CACNA2D3: variants seen among roughly 807,000 people sequenced by gnomAD.
CACNA2D3 encodes voltage-dependent calcium channel subunit alpha-2/delta-3.
CACNA2D3 carries 60 observed loss-of-function variants against 160.6 expected under a neutral mutation model. The observed-to-expected ratio is 0.37, with a 90% confidence interval of 0.30 to 0.46. The LOEUF (loss-of-function observed/expected upper bound fraction) is 0.46, where lower values mean the gene tolerates loss of function less well. Ranked by LOEUF, CACNA2D3 falls within the 20% of genes least tolerant of loss-of-function variation. The pLI, the probability that CACNA2D3 is intolerant of heterozygous loss-of-function variation, is 1.00. For missense variants in CACNA2D3, 1,205 were observed against 1,365.0 expected (o/e 0.88, Z 1.85); for synonymous variants, 558 against 492.9 (o/e 1.13, Z -1.75).
intron 2 of CACNA2D3, among the ~76,000 whole-genome samples, chr3:54,229,014 A>G (rs1701722382): frequency 6.6e-6 from 1 of 152,168 alleles, no homozygotes. Context: ...TTTGTGCTGT[A>G]TGGAAGATTC....
At chr3:54,429,008 T>C (rs1699949234) in intron 4 of CACNA2D3, among the ~76,000 whole-genome samples, 1 of 152,208 alleles carries the variant, frequency 6.6e-6, no homozygotes, top group South Asian at 2.1e-4. Flanking sequence ...GGTCAGCCCT[T>C]ATGGCTTAAA....
intron 14 of CACNA2D3, among the ~76,000 whole-genome samples, chr3:54,821,713 T>TTCCTTCCTTCC (rs1337268886): frequency 7.5e-5 from 8 of 106,572 alleles, no homozygotes; most frequent in Non-Finnish European, 1.5e-4. Flanking sequence ...TCCTTCCTTC[T>TTCCTTCCTTCC]TTCCTCTCTC....
intron 4 of CACNA2D3, among the ~76,000 whole-genome samples, chr3:54,460,762 T>C (rs1248640316): frequency 2.6e-5 from 4 of 152,198 alleles, no homozygotes; most frequent in African/African-American, 9.7e-5. Flanking sequence ...TTGAATACCC[T>C]TTATTTCCTT....
intron 14 of CACNA2D3, among the ~76,000 whole-genome samples, chr3:54,822,794 T>TCTTTCTTTC (rs1703655350): frequency 1.8e-3 from 115 of 63,196 alleles, no homozygotes; most frequent in Non-Finnish European, 2.4e-3. Flanking sequence ...TTCTTTCCTT[T>TCTTTCTTTC]CTTTCTTTCT....
chr3:54,797,510 A>G (rs1702890039), intron 13 of CACNA2D3, among the ~76,000 whole-genome samples: 1 of 152,218 alleles, frequency 6.6e-6, no homozygotes, highest in African/African-American at 2.4e-5. Context: ...GACAGCATTT[A>G]AAGTTGTGGA....
chr3:54,409,821 C>T (rs1699636065), intron 4 of CACNA2D3, among the ~76,000 whole-genome samples: 1 of 152,198 alleles, frequency 6.6e-6, no homozygotes, highest in African/African-American at 2.4e-5. Context: ...AGTGAGAAAG[C>T]TACCAAAGAA....
At chr3:55,029,751 G>C (rs1020922565) in intron 35 of CACNA2D3, among the ~76,000 whole-genome samples, 2 of 152,204 alleles carry the variant, frequency 1.3e-5, no homozygotes, top group Non-Finnish European at 2.9e-5. Context: ...TTGTCAGTGG[G>C]AGTACATTAG....
At chr3:54,176,854 G>A (rs562778692) in intron 2 of CACNA2D3, among the ~76,000 whole-genome samples, 1 of 152,090 alleles carries the variant, frequency 6.6e-6, no homozygotes, top group Non-Finnish European at 1.5e-5. Context: ...GGGGTTGGGG[G>A]AGTGCTCTGG....
intron 4 of CACNA2D3, among the ~76,000 whole-genome samples, chr3:54,449,842 C>T (rs2106814289): frequency 6.6e-6 from 1 of 152,294 alleles, no homozygotes; most frequent in East Asian, 1.9e-4. Flanking sequence ...ATTTAAACCT[C>T]TTTTCTTATA....
intron 2 of CACNA2D3, among the ~76,000 whole-genome samples, chr3:54,221,379 A>T (rs894889076): frequency 2.0e-5 from 3 of 152,230 alleles, no homozygotes; most frequent in Non-Finnish European, 4.4e-5. Context: ...TACTTTGGAT[A>T]TTTAAAGTTG....
rs3773600 is a variant in CACNA2D3, at chr3:54,871,999, C to T, written c.1710+377C>T. On this transcript the variant is annotated intron_variant, in intron 18 of 37. Coordinates refer to ENST00000474759, the MANE Select transcript of CACNA2D3 (RefSeq NM_018398.3). ...GCCTGGTGCAAAGTCAGGGTGCCTG[C>T]AGGCCAAGCAGGCAGGTTCCTGGGC... 2.0e-3 allele frequency among the ~76,000 whole-genome samples: 311 copies of T among 152,312 alleles called. 1 individual carries two copies. The highest frequency in any genetic ancestry group is 6.8e-3 in the East Asian group (35 of 5,164).
chr3:54,598,003 C>T (rs933396088), intron 9 of CACNA2D3, among the ~76,000 whole-genome samples: 4 of 151,860 alleles, frequency 2.6e-5, no homozygotes, highest in African/African-American at 9.7e-5. Context: ...TCAGTACTAC[C>T]TTGGGGCTGG....
At position 54,603,201 on chromosome 3, in the gene CACNA2D3, G is replaced by A. The variant is rs978309488; in HGVS notation, c.963+21324G>A. On this transcript the variant is annotated intron_variant, in intron 9 of 37. Transcript: ENST00000474759. The stretch of plus-strand genomic sequence containing the variant: ...TCAGAGGGCGCTGGCCGTGCAGCCC[G>A]CCCGGCAGGAAGAGCCAGTGTGAGG... Among the ~76,000 whole-genome samples, 8 of 152,204 alleles carry A rather than the reference G, an allele frequency of 5.3e-5. No individual in the cohort carries two copies. In the East Asian group the frequency reaches 9.6e-4, roughly 18 times the overall value.
chr3:55,028,642 A>G (rs1703615504), intron 35 of CACNA2D3, among the ~76,000 whole-genome samples: 1 of 152,228 alleles, frequency 6.6e-6, no homozygotes, highest in Non-Finnish European at 1.5e-5. Context: ...AATAGTTAGA[A>G]CCAGTTAAGA....
intron 27 of CACNA2D3, chr3:54,927,803 G>A: frequency 7.8e-7 from 1 of 1,275,810 alleles, no homozygotes; most frequent in Non-Finnish European, 1.1e-6. Context: ...AGTCTTTTAA[G>A]ACAGACGACT....
At chr3:54,694,780 T>C (rs1042113613) in intron 11 of CACNA2D3, among the ~76,000 whole-genome samples, 4 of 152,224 alleles carry the variant, frequency 2.6e-5, no homozygotes, top group African/African-American at 9.6e-5. Context: ...TTTTCTTCTT[T>C]TGTGTCTTCT....
chr3:54,168,612 G>A (rs1269583720), intron 2 of CACNA2D3, among the ~76,000 whole-genome samples: 1 of 152,126 alleles, frequency 6.6e-6, no homozygotes, highest in Non-Finnish European at 1.5e-5. Context: ...GAGGTCAGCC[G>A]ACTTCTCAGC....
At chr3:54,845,798 A>G (rs939126691) in intron 16 of CACNA2D3, among the ~76,000 whole-genome samples, 2 of 152,236 alleles carry the variant, frequency 1.3e-5, no homozygotes, top group African/African-American at 2.4e-5. Context: ...GGAAGCATGC[A>G]TGGAAAAGCT....
At chr3:54,650,030 C>A (rs1460118368) in intron 11 of CACNA2D3, among the ~76,000 whole-genome samples, 1 of 152,126 alleles carries the variant, frequency 6.6e-6, no homozygotes, top group African/African-American at 2.4e-5. Flanking sequence ...TGTTAGATGT[C>A]ACTGCATGAA....
Sources: gnomAD v4.1 joint callset for allele counts (sites outside exome capture counted in the v4.1 genomes callset) on GRCh38, gnomAD v4.1.1 for gene constraint, MANE v1.5 for transcripts, NCBI Gene and HGNC (gene_info 2026-07-23, HGNC 2026-07-21) for gene names.